CTNNA2: variants seen among roughly 807,000 people sequenced by gnomAD.
CTNNA2 encodes the protein catenin alpha-2.
Under a neutral mutation model 101.0 loss-of-function variants are expected in CTNNA2, and 42 were observed. That is an observed-to-expected ratio of 0.42 (90% confidence interval 0.32 to 0.54). The LOEUF is 0.54. CTNNA2 is among the 20% of genes least tolerant of loss of function. CTNNA2 has a pLI of 0.14. For synonymous variants in CTNNA2, 450 were observed against 456.4 expected, an observed-to-expected ratio of 0.99 and a Z score of 0.18; for missense variants, 871 against 1,223.1, an observed-to-expected ratio of 0.71 and a Z score of 4.29.
chr2:79,294,235 A>G (rs1558610654), intron 2 of CTNNA2, among the ~76,000 whole-genome samples: 2 of 150,906 alleles, frequency 1.3e-5, no homozygotes, highest in Non-Finnish European at 3.0e-5. Flanking sequence ...AAGAAGAAGA[A>G]GAAGAGGAGG....
intron 7 of CTNNA2, among the ~76,000 whole-genome samples, chr2:79,959,432 AAAG>A (rs1353234561): frequency 6.6e-6 from 1 of 152,220 alleles, no homozygotes; most frequent in Non-Finnish European, 1.5e-5. Context: ...TAATCCACAC[AAAG>A]AAGAACAAGA....
intron 7 of CTNNA2, among the ~76,000 whole-genome samples, chr2:80,039,406 T>C (rs971483745): frequency 6.6e-6 from 1 of 152,296 alleles, no homozygotes; most frequent in African/African-American, 2.4e-5. Context: ...TTACTACCAT[T>C]TTCTTTTTAT....
chr2:79,897,659 G>A (rs915133696), intron 6 of CTNNA2, among the ~76,000 whole-genome samples: 1 of 152,176 alleles, frequency 6.6e-6, no homozygotes, highest in African/African-American at 2.4e-5. Flanking sequence ...AGAAGGAATT[G>A]GAGCCAGGTT....
intron 3 of CTNNA2, among the ~76,000 whole-genome samples, chr2:79,832,462 A>G (rs980307018): frequency 3.9e-5 from 6 of 152,210 alleles, no homozygotes; most frequent in East Asian, 1.9e-4. Flanking sequence ...AATTACAAAT[A>G]TGCTTTCTCC....
chr2:79,764,442 T>C (rs529402808), intron 3 of CTNNA2, among the ~76,000 whole-genome samples: 1 of 152,312 alleles, frequency 6.6e-6, no homozygotes, highest in Admixed American at 6.5e-5. Context: ...AATTACAACA[T>C]GTGCATATAC....
chr2:79,348,532 G>A (rs927663012), intron 3 of CTNNA2, among the ~76,000 whole-genome samples: 6 of 152,184 alleles, frequency 3.9e-5, no homozygotes, highest in African/African-American at 7.2e-5. Context: ...GCAGCAAAGC[G>A]GAGCTTGAGG....
rs563578557 is a variant in CTNNA2 at position 80,312,627 on chromosome 2, T to C, written c.1057-80584T>C. Among the ~76,000 whole-genome samples, 3 of 152,328 alleles carry C rather than the reference T, an allele frequency of 2.0e-5. No homozygotes were observed. The South Asian group carries it at 6.2e-4, about 32-fold the overall frequency. ...GAGCTGAACCTACTGACGTACTGAT[T>C]TTGTGAAGAGAAACTTGGGGTTCAA... On this transcript the variant is annotated intron_variant, in intron 7 of 18. Transcript: ENST00000402739.
At chr2:79,322,851 G>A (rs770285654) in intron 3 of CTNNA2, among the ~76,000 whole-genome samples, 27 of 152,208 alleles carry the variant, frequency 1.8e-4, no homozygotes, top group East Asian at 1.7e-3. Context: ...CCAGTCAAAC[G>A]GTCTTTCCAC....
intron 9 of CTNNA2, among the ~76,000 whole-genome samples, chr2:80,431,163 A>T (rs940520617): frequency 6.6e-6 from 1 of 152,168 alleles, no homozygotes; most frequent in African/African-American, 2.4e-5. Flanking sequence ...GTATTGGGAC[A>T]TTGCTTTTTA....
intron 2 of CTNNA2, among the ~76,000 whole-genome samples, chr2:79,212,137 A>T (rs1437806313): frequency 6.6e-6 from 1 of 152,206 alleles, no homozygotes; most frequent in Admixed American, 6.5e-5. Context: ...TTATTTATTT[A>T]CTTTAAGAGT....
chr2:79,594,777 A>T (rs1049437459), intron 1 of CTNNA2, among the ~76,000 whole-genome samples: 9 of 152,084 alleles, frequency 5.9e-5, no homozygotes, highest in Non-Finnish European at 1.2e-4. Context: ...CTTGAAGTGA[A>T]ATCTATACTC....
At chr2:79,603,254 A>G (rs1677663065) in intron 1 of CTNNA2, among the ~76,000 whole-genome samples, 1 of 152,204 alleles carries the variant, frequency 6.6e-6, no homozygotes, top group African/African-American at 2.4e-5. Flanking sequence ...AATTAATTAC[A>G]GATGAATTAG....
At chr2:79,481,284 T>C (rs1486377093) in intron 4 of CTNNA2, among the ~76,000 whole-genome samples, 1 of 152,138 alleles carries the variant, frequency 6.6e-6, no homozygotes, top group Admixed American at 6.6e-5. Flanking sequence ...TTATGTTCTC[T>C]CTGATTATAT....
intron 7 of CTNNA2, among the ~76,000 whole-genome samples, chr2:80,375,102 T>A (rs1258704961): frequency 1.3e-5 from 2 of 152,146 alleles, no homozygotes; most frequent in African/African-American, 4.8e-5. Context: ...TCACTGTGCT[T>A]AAGAAAACAA....
At chr2:79,884,658 A>T (rs1163808176) in intron 6 of CTNNA2, among the ~76,000 whole-genome samples, 1 of 151,998 alleles carries the variant, frequency 6.6e-6, no homozygotes, top group Non-Finnish European at 1.5e-5. Flanking sequence ...TAGCAACTCT[A>T]CATAAGTTCC....
At chr2:79,252,587 T>C (rs1674787076) in intron 2 of CTNNA2, among the ~76,000 whole-genome samples, 1 of 152,116 alleles carries the variant, frequency 6.6e-6, no homozygotes, top group African/African-American at 2.4e-5. Context: ...AATTCGAGCT[T>C]CATTTGTAAG....
intron 3 of CTNNA2, among the ~76,000 whole-genome samples, chr2:79,797,143 G>C (rs1004216095): frequency 1.3e-5 from 2 of 152,134 alleles, no homozygotes; most frequent in Admixed American, 6.5e-5. Context: ...GTAGGAAATA[G>C]GCTTTTTGTT....
intron 3 of CTNNA2, among the ~76,000 whole-genome samples, chr2:79,358,765 A>T (rs1677564146): frequency 6.6e-6 from 1 of 152,208 alleles, no homozygotes; most frequent in Non-Finnish European, 1.5e-5. Flanking sequence ...ACAGATAAGT[A>T]AACAGGAGCT....
intron 9 of CTNNA2, among the ~76,000 whole-genome samples, chr2:80,508,355 C>T (rs1387641717): frequency 6.6e-6 from 1 of 152,054 alleles, no homozygotes; most frequent in Non-Finnish European, 1.5e-5. Context: ...CGTGGTGACA[C>T]ACACCTGTAA....
Sources: allele counts gnomAD v4.1 joint callset (sites outside exome capture counted in the v4.1 genomes callset), GRCh38; gene constraint gnomAD v4.1.1; transcripts MANE v1.5; gene names NCBI Gene and HGNC (gene_info 2026-07-23, HGNC 2026-07-21).